LUC7L3: variants seen among roughly 807,000 people sequenced by gnomAD.
LUC7L3 encodes LUC7 like 3 pre-mRNA splicing factor.
LUC7L3 carries 6 observed loss-of-function variants against 66.8 expected under a neutral mutation model. The observed-to-expected ratio is 0.09, with a 90% CI of 0.05 to 0.18. The LOEUF (loss-of-function observed/expected upper bound fraction) is 0.18. Ranked by LOEUF, LUC7L3 falls within the 10% of genes least tolerant of loss-of-function variation. The pLI, the probability that LUC7L3 is intolerant of heterozygous loss-of-function variation, is 1.00. For missense variants in LUC7L3, 341 were observed against 531.1 expected (o/e 0.64, Z 3.52); for synonymous variants, 160 against 174.7 (o/e 0.92, Z 0.66).
intron 9 of LUC7L3, among the ~76,000 whole-genome samples, chr17:50,748,750 C>T (rs1970832572): frequency 6.6e-6 from 1 of 152,050 alleles, no homozygotes; most frequent in African/African-American, 2.4e-5. Flanking sequence ...AGGCTTGTCT[C>T]CCATGATTGG....
At chr17:50,741,402 A>G (rs989113590) in intron 4 of LUC7L3, 156 bp downstream of exon 4, 2 of 785,988 alleles carry the variant, frequency 2.5e-6, no homozygotes, top group African/African-American at 3.5e-5. Context: ...AGTCTTTATT[A>G]GCAAACATAA....
chr17:50,745,518 G>A (rs897735150), intron 7 of LUC7L3, among the ~76,000 whole-genome samples: 2 of 152,118 alleles, frequency 1.3e-5, no homozygotes, highest in African/African-American at 4.8e-5. Context: ...TAACTCTTGA[G>A]TGCCAGAAAT....
At chr17:50,731,241 T>C (rs113774019) in intron 1 of LUC7L3, among the ~76,000 whole-genome samples, 1 of 152,310 alleles carries the variant, frequency 6.6e-6, no homozygotes, top group Non-Finnish European at 1.5e-5. Flanking sequence ...CGATCTCAGC[T>C]AACTGCAACC....
At chr17:50,738,013 C>T (rs1009434534) in intron 2 of LUC7L3, 3 of 358,062 alleles carry the variant, frequency 8.4e-6, no homozygotes, top group African/African-American at 2.1e-5. Context: ...AGATTTCAGA[C>T]ACAGCAGGGG....
At chr17:50,733,097 C>T (rs563339344) in intron 1 of LUC7L3, among the ~76,000 whole-genome samples, 16 of 152,146 alleles carry the variant, frequency 1.1e-4, no homozygotes, top group African/African-American at 3.4e-4. Flanking sequence ...TTAAATTGGT[C>T]ATGAGGCTGT....
chr17:50,733,048 T>C (rs1969727329), intron 1 of LUC7L3, among the ~76,000 whole-genome samples: 1 of 152,218 alleles, frequency 6.6e-6, no homozygotes, highest in South Asian at 2.1e-4. Context: ...CTGAGGATCA[T>C]AGACGTTGTG....
chr17:50,751,298 G>A lies in LUC7L3; in HGVS notation c.*637G>A, dbSNP rs978131959. ...AGCTGACTACCATACCTCACACAGC[G>A]TTGGTGTTGTGAGCGGCCCATGAAA... On this transcript the variant is annotated 3_prime_UTR_variant, in exon 10 of 10. Coordinates refer to ENST00000505658, the MANE Select transcript of LUC7L3 (RefSeq NM_016424.5). 7.6e-7 allele frequency: 1 copy of A among 1,317,568 alleles called. No individual in the cohort carries two copies. The highest frequency in any genetic ancestry group is 9.9e-7 in the Non-Finnish European group (1 of 1,007,814). 81.6% of individuals were successfully genotyped at this position (1,317,568 alleles called of 1,614,324 possible). A position where few individuals can be genotyped will look rare whatever the true frequency, so the allele number is the denominator to read the frequency against.
intron 1 of LUC7L3, among the ~76,000 whole-genome samples, chr17:50,720,117 TATTAA>T (rs1968643331): frequency 6.6e-6 from 1 of 152,258 alleles, no homozygotes; most frequent in South Asian, 2.1e-4. Flanking sequence ...AGCAGCGTCT[TATTAA>T]ATCTAGCGGC....
chr17:50,740,140 G>T, intron 2 of LUC7L3, 166 bp from the exon 3 acceptor site: 1 of 578,164 alleles, frequency 1.7e-6, no homozygotes, highest in South Asian at 2.3e-5. Context: ...ATCCTATTTG[G>T]TTATGATGCT....
intron 9 of LUC7L3, 56 bp downstream of exon 9, chr17:50,746,758 C>A: frequency 6.7e-7 from 1 of 1,497,234 alleles, no homozygotes; most frequent in East Asian, 2.3e-5. Context: ...CTAATCGCCC[C>A]ACTCACTTTT....
chr17:50,745,614 G>A (rs958919807), intron 7 of LUC7L3, 106 bp from the exon 8 acceptor site: 16 of 759,208 alleles, frequency 2.1e-5, no homozygotes, highest in Admixed American at 5.4e-5. Flanking sequence ...TCCCTTAAGG[G>A]CATCAATTCC....
intron 5 of LUC7L3, among the ~76,000 whole-genome samples, chr17:50,741,940 A>G (rs112797373): frequency 2.6e-5 from 4 of 152,284 alleles, no homozygotes; most frequent in African/African-American, 9.6e-5. Flanking sequence ...GCCAGGTGCA[A>G]TGGCGTGTAC....
At chr17:50,745,430 A>T (rs1179449265) in intron 7 of LUC7L3, among the ~76,000 whole-genome samples, 1 of 152,182 alleles carries the variant, frequency 6.6e-6, no homozygotes, top group East Asian at 1.9e-4. Flanking sequence ...ATATTTTCCT[A>T]TGTGTAATTA....
chr17:50,754,135 G>C lies in LUC7L3; in HGVS notation c.*3474G>C, dbSNP rs1243633960. The C allele has an allele frequency of 6.6e-6, 1 of 151,992 alleles. No individual in the cohort carries two copies. Among genetic ancestry groups the C allele is most frequent in the African/African-American group, 2.4e-5 (1 of 41,358 alleles). 9.4% of individuals were successfully genotyped at this position (151,992 alleles called of 1,614,324 possible). ...CATGCAGACCAAAAAGTTATTAGTT[G>C]GTGAATATGTATTTTCTCTTTGGAA... On this transcript the variant is annotated 3_prime_UTR_variant, in exon 10 of 10. Transcript: ENST00000505658.
At chr17:50,748,987 G>C (rs1970850346) in intron 9 of LUC7L3, among the ~76,000 whole-genome samples, 1 of 152,118 alleles carries the variant, frequency 6.6e-6, no homozygotes, top group African/African-American at 2.4e-5. Flanking sequence ...GAGCCACAGT[G>C]GGCATTTATT....
intron 1 of LUC7L3, among the ~76,000 whole-genome samples, chr17:50,735,321 A>G (rs1969909098): frequency 6.6e-6 from 1 of 151,912 alleles, no homozygotes; most frequent in African/African-American, 2.4e-5. Context: ...TTAATCCTGG[A>G]TGCAGCTTAT....
chr17:50,751,117 T>G lies in LUC7L3; in HGVS notation c.*456T>G, dbSNP rs2143086147. ...AACTTAAATATTTCGGAGGCACATG[T>G]TGGACTACTTTGTTTTAATTAAACT... On this transcript the variant is annotated 3_prime_UTR_variant, in exon 10 of 10. Transcript: ENST00000505658. The G allele has an allele frequency of 6.9e-7, 1 of 1,453,612 alleles. No individual in the cohort carries two copies. Among genetic ancestry groups the G allele is most frequent in the Non-Finnish European group, 9.0e-7 (1 of 1,111,272 alleles). The allele number at this position is 1,453,612 out of a possible 1,614,324, so 90.0% of individuals were successfully genotyped here.
chr17:50,719,823 C>T lies in LUC7L3; in HGVS notation c.91C>T (p.His31Tyr). The T allele has an allele frequency of 6.2e-7, 1 of 1,602,668 alleles. No individual in the cohort carries two copies. The highest frequency in any genetic ancestry group is 8.5e-7 in the Non-Finnish European group (1 of 1,176,720). The change falls in exon 1 of 10, where the codon CAC becomes TAC. Residue 31 changes from histidine (H) to tyrosine (Y), a missense_variant. By Grantham distance (83) the His-to-Tyr change is moderately conservative. This residue lies in a region of LUC7L3 where 19 missense variants were observed against 17.4 expected (regional missense o/e 1.09). Transcript: ENST00000505658. ...DEKRSNVRWD[H>Y]ESVCKYYLCG... is the part of the protein sequence containing the mutation. ...GAAGCGCAGCAACGTGCGGTGGGAC[C>T]ACGAGAGCGTAAGTCCCGCGGGCCT...
At chr17:50,745,050 C>T (rs1333173515) in intron 7 of LUC7L3, among the ~76,000 whole-genome samples, 16 of 152,080 alleles carry the variant, frequency 1.1e-4, no homozygotes, top group Admixed American at 6.6e-5. Flanking sequence ...AGTACAGTGG[C>T]GTGATCTCGG....
Sources: gnomAD v4.1 joint callset for allele counts (sites outside exome capture counted in the v4.1 genomes callset) on GRCh38, gnomAD v4.1.1 for gene constraint, gnomAD v4.1.1 regional missense constraint, MANE v1.5 for transcripts, NCBI Gene and HGNC (gene_info 2026-07-23, HGNC 2026-07-21) for gene names.